NFAT5: variants seen among roughly 807,000 people sequenced by gnomAD.
NFAT5 encodes the protein nuclear factor of activated T cells 5.
NFAT5 carries 31 observed loss-of-function variants against 166.5 expected under a neutral mutation model. The ratio of observed to expected loss-of-function variants is 0.19; its 90% CI spans 0.14 to 0.25. The LOEUF is 0.25. NFAT5 is among the 10% of genes least tolerant of loss of function. The pLI is 1.00. For missense variants in NFAT5, 1,449 were observed against 1,821.8 expected (o/e 0.80, Z 3.72); for synonymous variants, 612 against 639.7 (o/e 0.96, Z 0.65).
intron 7 of NFAT5, among the ~76,000 whole-genome samples, chr16:69,667,121 A>G (rs1287748560): frequency 1.4e-5 from 2 of 140,774 alleles, no homozygotes; most frequent in Non-Finnish European, 3.0e-5. Flanking sequence ...GAATTGAACA[A>G]TGAGAACACA....
chr16:69,574,063 G>A (rs779201975), intron 2 of NFAT5, among the ~76,000 whole-genome samples: 1 of 151,870 alleles, frequency 6.6e-6, no homozygotes, highest in Non-Finnish European at 1.5e-5. Context: ...TAGAGATAGG[G>A]TTTCTCCATG....
At chr16:69,674,255 A>AG (rs2036744455) in intron 9 of NFAT5, among the ~76,000 whole-genome samples, 1 of 151,826 alleles carries the variant, frequency 6.6e-6, no homozygotes, top group East Asian at 1.9e-4. Context: ...AAAAAAAAAA[A>AG]AAAAAAAGTA....
Position 69,691,071 on chromosome 16 carries a change from T to A in NFAT5, c.1906T>A (p.Ser636Thr). The change falls in exon 12 of 15, where the codon TCT becomes ACT. Residue 636 changes from serine to threonine, a missense_variant. Ser to Thr is a moderately conservative substitution (Grantham distance 58). This residue lies in a region of NFAT5 where 245 missense variants were observed against 366.6 expected (regional missense o/e 0.67). Coordinates refer to ENST00000349945, the MANE Select transcript of NFAT5 (RefSeq NM_138713.4). ...TPMEVTAEKRSSTIFKTTKSV... is the reference protein window; with the variant it reads ...TPMEVTAEKRTSTIFKTTKSV... ...AATGGAAGTAACAGCAGAAAAAAGA[T>A]CTTCCACTATTTTTAAGGTAAGCTG... The A allele has an allele frequency of 6.3e-7, 1 of 1,599,180 alleles. No homozygotes were observed. Among genetic ancestry groups the A allele is most frequent in the East Asian group, 2.2e-5 (1 of 44,520 alleles).
intron 2 of NFAT5, among the ~76,000 whole-genome samples, chr16:69,607,147 A>G (rs919458829): frequency 6.6e-6 from 1 of 152,246 alleles, no homozygotes; most frequent in African/African-American, 2.4e-5. Flanking sequence ...ATTATAAATG[A>G]GACAGCCAAG....
chr16:69,568,340 A>ATGTGTGTGTGTGTGTGTGTGTGTG (rs1289905200), intron 1 of NFAT5, among the ~76,000 whole-genome samples, 155 bp from the exon 2 acceptor site: 1 of 38,486 alleles, frequency 2.6e-5, no homozygotes, highest in Non-Finnish European at 4.8e-5. Context: ...GTGTGTATAT[A>ATGTGTGTGTGTGTGTGTGTGTGTG]TATATATGTG....
Position 69,566,211 on chromosome 16 carries a change from G to A in NFAT5, c.-91G>A. On this transcript the variant is annotated 5_prime_UTR_variant, in exon 1 of 15. Transcript: ENST00000349945. This position sits in a 1 kb window ranked among gnomAD's most constrained non-coding sequence, Gnocchi z 5.7. ...AGCCGCCCTCGCGTCGCCGCCCCCG[G>A]TTCGGTGCCCGCGGTCCCGGAGAGG... 2 of 1,242,366 alleles carry A rather than the reference G, an allele frequency of 1.6e-6. No homozygotes were observed. The highest frequency in any genetic ancestry group is 2.6e-5 in the South Asian group (2 of 76,298). The allele number at this position is 1,242,366 out of a possible 1,614,324, so 77.0% of individuals were successfully genotyped here.
Position 69,577,138 on chromosome 16 carries a change from G to A in NFAT5, c.127+8590G>A, listed in dbSNP as rs570620932. On this transcript the variant is annotated intron_variant, in intron 2 of 14. Transcript: ENST00000349945. ...TCTGCCCCTTTCACCCCGTGTATCCGTTTTCTCACGGTAGTCTATACATTT... is the reference window on the plus strand; with the variant it reads ...TCTGCCCCTTTCACCCCGTGTATCCATTTTCTCACGGTAGTCTATACATTT... 1.1e-4 allele frequency among the ~76,000 whole-genome samples: 17 copies of A among 152,214 alleles called. No homozygotes were observed. In the South Asian group the frequency reaches 3.3e-3, roughly 30 times the overall value.
rs1325425522 is a variant in NFAT5, at chr16:69,702,094, TC to T, written c.*5744del. 1.3e-5 allele frequency: 2 copies of T among 152,630 alleles called. No individual in the cohort carries two copies. 9.5% of individuals were successfully genotyped at this position (152,630 alleles called of 1,614,324 possible). A position where few individuals can be genotyped will look rare whatever the true frequency, so the allele number is the denominator to read the frequency against. On this transcript the variant is annotated 3_prime_UTR_variant, in exon 15 of 15. Transcript: ENST00000349945. Reference sequence around the variant, plus strand: ...GGGCTGCTTTCCCCGTGCTAGTATTTCTGTGACTGTTAGTGGCACTGAGGAC... The same window carrying T: ...GGGCTGCTTTCCCCGTGCTAGTATTTTGTGACTGTTAGTGGCACTGAGGAC...
intron 1 of NFAT5, among the ~76,000 whole-genome samples, chr16:69,568,268 C>T (rs948706798): frequency 1.3e-5 from 2 of 151,718 alleles, no homozygotes; most frequent in African/African-American, 4.8e-5. Flanking sequence ...TGCGGTGAGC[C>T]GAGATCGCAC....
intron 2 of NFAT5, among the ~76,000 whole-genome samples, chr16:69,582,424 A>G (rs2031759945): frequency 6.6e-6 from 1 of 151,918 alleles, no homozygotes; most frequent in Non-Finnish European, 1.5e-5. Context: ...TATTTTAAAA[A>G]CTATTGCCTA....
intron 2 of NFAT5, among the ~76,000 whole-genome samples, chr16:69,600,247 AG>A (rs2151539825): frequency 6.6e-6 from 1 of 152,342 alleles, no homozygotes; most frequent in East Asian, 1.9e-4. Flanking sequence ...TCCTGAAAGC[AG>A]GAGTATTCAA....
At position 69,659,724 on chromosome 16, in the gene NFAT5, T is replaced by C. The variant is rs1597488810; in HGVS notation, c.1197-3T>C. 6.3e-7 allele frequency: 1 copy of C among 1,599,196 alleles called. No homozygotes were observed. The highest frequency in any genetic ancestry group is 1.3e-5 in the African/African-American group (1 of 74,668). ...CCCTTTATATATTTTTTTTCTGTAT[T>C]AGGGTGGACTGCGTAGGGATATTGA... On this transcript the variant is annotated splice_polypyrimidine_tract_variant and splice_region_variant and intron_variant, in intron 6 of 14. Transcript: ENST00000349945.
rs934115853 is a variant in NFAT5, at chr16:69,653,175, T to C, written c.813-61T>C. 6.0e-6 allele frequency: 7 copies of C among 1,162,854 alleles called. No individual in the cohort carries two copies. In the African/African-American group the frequency reaches 1.2e-4, roughly 20 times the overall value. 72.0% of individuals were successfully genotyped at this position (1,162,854 alleles called of 1,614,324 possible). A position where few individuals can be genotyped will look rare whatever the true frequency, so the allele number is the denominator to read the frequency against. On this transcript the variant is annotated intron_variant, in intron 4 of 14. Coordinates refer to ENST00000349945, the MANE Select transcript of NFAT5 (RefSeq NM_138713.4). ...TGTTTCTTCCTTTGTCTTAATGGCT[T>C]TTTTTTTTTATCAAAAAACTCTTTT...
intron 2 of NFAT5, among the ~76,000 whole-genome samples, chr16:69,618,842 ATTGT>A (rs765371011): frequency 9.9e-5 from 15 of 152,184 alleles, no homozygotes; most frequent in Non-Finnish European, 1.5e-4. Flanking sequence ...GAGAGCATTC[ATTGT>A]TTGAGTAACT....
At chr16:69,606,726 C>A (rs559298155) in intron 2 of NFAT5, among the ~76,000 whole-genome samples, 1 of 152,098 alleles carries the variant, frequency 6.6e-6, no homozygotes, top group Middle Eastern at 3.2e-3. Context: ...CGTGGTGGTA[C>A]GCCTGTAATT....
At chr16:69,642,110 A>G (rs1452264394) in intron 3 of NFAT5, among the ~76,000 whole-genome samples, 3 of 152,194 alleles carry the variant, frequency 2.0e-5, no homozygotes, top group Non-Finnish European at 4.4e-5. Flanking sequence ...AAAGAAAACA[A>G]AAAAGAAAGT....
At chr16:69,644,604 A>T (rs1315750807) in intron 3 of NFAT5, among the ~76,000 whole-genome samples, 1 of 152,206 alleles carries the variant, frequency 6.6e-6, no homozygotes, top group Admixed American at 6.5e-5. Flanking sequence ...ACACACACTT[A>T]TGTCTGACTG....
rs932232039 is a variant in NFAT5 at position 69,692,709 on chromosome 16, A to G, written c.2884A>G (p.Thr962Ala). 7 of 1,614,220 alleles carry G rather than the reference A, an allele frequency of 4.3e-6. No homozygotes were observed. Among genetic ancestry groups the G allele is most frequent in the South Asian group, 3.3e-5 (3 of 91,086 alleles). ...TTCTCACATGATGAGTGCATTGTCT[A>G]CCAATGAGGATATGCAAATGCAGTG... ...QTSHMMSALS[T>A]NEDMQMQCEL... The change falls in exon 13 of 15, where the codon ACC becomes GCC. Residue 962 changes from threonine (T) to alanine (A), a missense_variant. Around this residue, in one of 7 missense-constraint regions of NFAT5, gnomAD observed 891 missense variants for 993.0 expected, o/e 0.90. Transcript: ENST00000349945.
intron 7 of NFAT5, among the ~76,000 whole-genome samples, chr16:69,662,446 CTTTCTTTT>C (rs2036185965): frequency 7.6e-6 from 1 of 130,964 alleles, no homozygotes; most frequent in South Asian, 2.4e-4. Flanking sequence ...GACAACACCT[CTTTCTTTT>C]TTTTTTTTTT....
Sources: gnomAD v4.1 joint callset for allele counts (sites outside exome capture counted in the v4.1 genomes callset) on GRCh38, gnomAD v4.1.1 for gene constraint, gnomAD v4.1.1 regional missense constraint, Gnocchi (gnomAD v3.1) non-coding constraint, MANE v1.5 for transcripts, NCBI Gene and HGNC (gene_info 2026-07-23, HGNC 2026-07-21) for gene names.